The following EPSTI1 variants were observed in gnomAD, a reference collection of about 807,000 sequenced individuals.
EPSTI1 encodes epithelial-stromal interaction protein 1.
A neutral mutation model predicts 49.9 loss-of-function variants in EPSTI1; 66 were observed. The observed-to-expected ratio is 1.32, with a 90% CI of 1.08 to 1.62. The LOEUF (loss-of-function observed/expected upper bound fraction) is 1.62. Among genes scored for constraint, EPSTI1 ranks in the 40% most tolerant of loss-of-function variants. The probability of loss-of-function intolerance (pLI) is 0.00; values close to 1 mark genes in which losing one functional copy is unlikely to be tolerated. For synonymous variants in EPSTI1, 137 were observed against 130.7 expected (o/e 1.05, Z -0.33); for missense variants, 394 against 365.5 (o/e 1.08, Z -0.64).
At chr13:42,910,257 CTTTTTTTTTTTT>C (rs71099807) in intron 8 of EPSTI1, among the ~76,000 whole-genome samples, 5 of 97,668 alleles carry the variant, frequency 5.1e-5, no homozygotes, top group Non-Finnish European at 9.5e-5. Context: ...TTAACCAAAT[CTTTTTTTTTTTT>C]TTTTTTTTTG....
intron 5 of EPSTI1, among the ~76,000 whole-genome samples, chr13:42,960,203 G>A (rs1261848931): frequency 6.6e-6 from 1 of 151,962 alleles, no homozygotes; most frequent in Non-Finnish European, 1.5e-5. Flanking sequence ...GGCAGAATAA[G>A]ATGAACCCAG....
At chr13:42,948,429 T>G (rs866251650) in intron 6 of EPSTI1, among the ~76,000 whole-genome samples, 1 of 148,186 alleles carries the variant, frequency 6.7e-6, no homozygotes, top group South Asian at 2.2e-4. Context: ...CTTGTTGTTT[T>G]TTTTTTTTTT....
chr13:42,888,249 A>C lies in EPSTI1; in HGVS notation c.*245T>G. The C allele has an allele frequency of 6.2e-7, 1 of 1,613,548 alleles. No homozygotes were observed. The highest frequency in any genetic ancestry group is 8.5e-7 in the Non-Finnish European group (1 of 1,179,660). On this transcript the variant is annotated 3_prime_UTR_variant, in exon 11 of 11. Coordinates refer to ENST00000313624, the MANE Select transcript of EPSTI1 (RefSeq NM_033255.5). ...CAACATCACTCTAATTATACTTCCA[A>C]TTAGAAAAATAATGTAGCATTTCCC...
chr13:42,958,451 C>A (rs1185659958), intron 5 of EPSTI1, among the ~76,000 whole-genome samples: 1 of 151,922 alleles, frequency 6.6e-6, no homozygotes, highest in Non-Finnish European at 1.5e-5. Context: ...AAAAACAAAA[C>A]AAACAACAAA....
At chr13:42,989,560 C>CTTCTT (rs1555271083) in intron 1 of EPSTI1, among the ~76,000 whole-genome samples, 20 of 37,008 alleles carry the variant, frequency 5.4e-4, no homozygotes, top group African/African-American at 1.3e-3. Context: ...ACTTTATCCT[C>CTTCTT]TTTTTTCTTT....
intron 10 of EPSTI1, among the ~76,000 whole-genome samples, chr13:42,889,614 T>C (rs569469939): frequency 2.6e-4 from 40 of 152,358 alleles, no homozygotes; most frequent in Admixed American, 7.2e-4. Context: ...GACATATCCT[T>C]AATTTAATAG....
chr13:42,915,956 T>A (rs2037817997), intron 8 of EPSTI1, among the ~76,000 whole-genome samples: 1 of 152,100 alleles, frequency 6.6e-6, no homozygotes, highest in Non-Finnish European at 1.5e-5. Flanking sequence ...GTTTTTATGT[T>A]CCAAATATAT....
At chr13:42,935,238 C>T (rs2038518798) in intron 6 of EPSTI1, among the ~76,000 whole-genome samples, 1 of 152,206 alleles carries the variant, frequency 6.6e-6, no homozygotes, top group Admixed American at 6.5e-5. Flanking sequence ...ACCACTGATT[C>T]CCCACCTCTT....
chr13:42,964,178 T>G, intron 3 of EPSTI1, 39 bp from the exon 4 acceptor site: 1 of 1,556,664 alleles, frequency 6.4e-7, no homozygotes, highest in South Asian at 1.1e-5. Context: ...AACATAAATA[T>G]TAAGCTGAAA....
At chr13:42,935,239 C>T (rs908383202) in intron 6 of EPSTI1, among the ~76,000 whole-genome samples, 1 of 152,208 alleles carries the variant, frequency 6.6e-6, no homozygotes, top group Admixed American at 6.5e-5. Flanking sequence ...CCACTGATTC[C>T]CCACCTCTTT....
At position 42,992,230 on chromosome 13, in the gene EPSTI1, G is replaced by T. The variant is rs949934504; in HGVS notation, c.-65C>A. ...GAGGGATGCGGCTGGGACGCTTAGCGAGTCTCAAGATGGGATTCCAAAGTG... is the reference window on the plus strand; with the variant it reads ...GAGGGATGCGGCTGGGACGCTTAGCTAGTCTCAAGATGGGATTCCAAAGTG... On this transcript the variant is annotated 5_prime_UTR_variant, in exon 1 of 11. Transcript: ENST00000313624. The T allele has an allele frequency of 6.9e-7, 1 of 1,458,414 alleles. No homozygotes were observed. Among genetic ancestry groups the T allele is most frequent in the Non-Finnish European group, 9.1e-7 (1 of 1,099,710 alleles). The allele number at this position is 1,458,414 out of a possible 1,614,324, so 90.3% of individuals were successfully genotyped here.
intron 1 of EPSTI1, among the ~76,000 whole-genome samples, chr13:42,974,629 C>A (rs186378476): frequency 1.3e-4 from 20 of 151,070 alleles, no homozygotes; most frequent in East Asian, 7.8e-4. Flanking sequence ...ACTGCACTCC[C>A]GCCTGGGCGA....
chr13:42,982,622 C>A (rs1034332088), intron 1 of EPSTI1, among the ~76,000 whole-genome samples: 4 of 152,166 alleles, frequency 2.6e-5, no homozygotes, highest in African/African-American at 9.7e-5. Context: ...CAAAGGGAAT[C>A]CCCAGAGAAA....
At chr13:42,942,939 C>T (rs894602958) in intron 6 of EPSTI1, among the ~76,000 whole-genome samples, 2 of 152,018 alleles carry the variant, frequency 1.3e-5, no homozygotes, top group African/African-American at 2.4e-5. Context: ...CCACCCACCT[C>T]GGCCTCCCAA....
intron 3 of EPSTI1, 74 bp downstream of exon 3, chr13:42,969,014 GACAGAC>G (rs1210470173): frequency 2.4e-5 from 32 of 1,355,094 alleles, no homozygotes; most frequent in Non-Finnish European, 3.3e-5. Context: ...GACATTCACA[GACAGAC>G]ATATGCAAGC....
intron 6 of EPSTI1, among the ~76,000 whole-genome samples, chr13:42,930,598 G>A (rs2038331956): frequency 6.6e-6 from 1 of 152,192 alleles, no homozygotes; most frequent in South Asian, 2.1e-4. Context: ...CTTAATCAAA[G>A]TAATCAAACT....
chr13:42,930,015 A>C (rs2153422587), intron 6 of EPSTI1, among the ~76,000 whole-genome samples: 1 of 152,318 alleles, frequency 6.6e-6, no homozygotes, highest in African/African-American at 2.4e-5. Flanking sequence ...GCATGTCTGG[A>C]GTGGGATCTG....
Position 42,900,687 on chromosome 13 carries a change from A to C in EPSTI1, c.742-304T>G, listed in dbSNP as rs997126645. 3.3e-5 allele frequency among the ~76,000 whole-genome samples: 5 copies of C among 152,050 alleles called. No homozygotes were observed. In the South Asian group the frequency reaches 1.0e-3, roughly 32 times the overall value. On this transcript the variant is annotated intron_variant, in intron 8 of 10. Transcript: ENST00000313624. ...AAAAAATACAATGTAAGTCAAACTC[A>C]TCTATGTCTTACAGAGAACAACAAA...
intron 1 of EPSTI1, among the ~76,000 whole-genome samples, chr13:42,972,719 T>A (rs1163622900): frequency 6.6e-6 from 1 of 151,466 alleles, no homozygotes; most frequent in Non-Finnish European, 1.5e-5. Flanking sequence ...TTGTAGAGAG[T>A]GAGGGGAGAT....
Sources: gnomAD v4.1 joint callset for allele counts (sites outside exome capture counted in the v4.1 genomes callset) on GRCh38, gnomAD v4.1.1 for gene constraint, MANE v1.5 for transcripts, NCBI Gene and HGNC (gene_info 2026-07-23, HGNC 2026-07-21) for gene names.